IQGAP2: variants seen among roughly 807,000 people sequenced by gnomAD.
IQGAP2 encodes IQ motif containing GTPase activating protein 2.
Under a neutral mutation model 201.3 loss-of-function variants are expected in IQGAP2, and 173 were observed. The observed-to-expected ratio is 0.86, with a 90% CI of 0.76 to 0.98. IQGAP2 has a LOEUF of 0.98. Among genes scored for constraint, IQGAP2 ranks in the 50% least tolerant of loss-of-function variants. The probability of loss-of-function intolerance (pLI) is 0.00; values close to 1 mark genes in which losing one functional copy is unlikely to be tolerated. For missense variants in IQGAP2, 1,687 were observed against 1,864.8 expected (o/e 0.90, Z 1.76); for synonymous variants, 675 against 673.9 (o/e 1.00, Z -0.03).
chr5:76,413,892 A>G (rs1414013026), intron 1 of IQGAP2, among the ~76,000 whole-genome samples: 2 of 152,190 alleles, frequency 1.3e-5, no homozygotes, highest in Non-Finnish European at 2.9e-5. Context: ...CTTGTGGTCA[A>G]CCCAGTCCTG....
chr5:76,472,305 G>A (rs1425073469), intron 2 of IQGAP2, among the ~76,000 whole-genome samples: 1 of 152,242 alleles, frequency 6.6e-6, no homozygotes, highest in East Asian at 1.9e-4. Flanking sequence ...GATCTCCGTG[G>A]CACAGGAATA....
chr5:76,666,667 G>A (rs1036966792), intron 22 of IQGAP2, among the ~76,000 whole-genome samples: 2 of 152,166 alleles, frequency 1.3e-5, no homozygotes, highest in Admixed American at 6.5e-5. Flanking sequence ...CTTTTGAGGC[G>A]TTAGCCCAAT....
At chr5:76,550,439 AAGGTC>A (rs1333223705) in intron 2 of IQGAP2, among the ~76,000 whole-genome samples, 1 of 147,530 alleles carries the variant, frequency 6.8e-6, no homozygotes, top group African/African-American at 2.5e-5. Flanking sequence ...TAGTGGAGGG[AAGGTC>A]AGCAGATAAA....
chr5:76,515,348 C>T (rs186041597), intron 2 of IQGAP2, among the ~76,000 whole-genome samples: 102 of 152,230 alleles, frequency 6.7e-4, no homozygotes, highest in African/African-American at 2.4e-3. Flanking sequence ...TTTTATCAAG[C>T]GATTTTTCTC....
At chr5:76,455,510 G>A (rs1056792209) in intron 1 of IQGAP2, among the ~76,000 whole-genome samples, 1 of 151,252 alleles carries the variant, frequency 6.6e-6, no homozygotes, top group African/African-American at 2.4e-5. Context: ...TTAAGTAGAT[G>A]TTTGTAAGTA....
At chr5:76,679,164 A>G (rs1401538358) in intron 28 of IQGAP2, among the ~76,000 whole-genome samples, 1 of 152,242 alleles carries the variant, frequency 6.6e-6, no homozygotes, top group Non-Finnish European at 1.5e-5. Context: ...GCTGAATGCA[A>G]TATCCACATG....
chr5:76,570,664 C>T lies in IQGAP2; in HGVS notation c.381+7C>T. 1.3e-6 allele frequency: 2 copies of T among 1,597,414 alleles called. No homozygotes were observed. The highest frequency in any genetic ancestry group is 1.7e-6 in the Non-Finnish European group (2 of 1,165,002). Reference sequence around the variant, plus strand: ...GTCTATTGGTCTACCCAAGGTAAGCCTTCACGCACTGGAATCTGAACTAGA... The same window carrying T: ...GTCTATTGGTCTACCCAAGGTAAGCTTTCACGCACTGGAATCTGAACTAGA... On this transcript the variant is annotated splice_region_variant and intron_variant, in intron 4 of 35. Transcript: ENST00000274364.
At chr5:76,655,064 G>T in intron 20 of IQGAP2, 61 bp downstream of exon 20, 1 of 1,136,098 alleles carries the variant, frequency 8.8e-7, no homozygotes, top group Non-Finnish European at 1.3e-6. Context: ...AGGACATATT[G>T]GTCCATATTG....
chr5:76,528,953 A>T (rs181267704), intron 2 of IQGAP2, among the ~76,000 whole-genome samples: 1 of 152,336 alleles, frequency 6.6e-6, no homozygotes. Flanking sequence ...GATAATTTAG[A>T]CAAGGGCAAA....
At chr5:76,616,012 A>G (rs190680932) in intron 13 of IQGAP2, 58 of 152,768 alleles carry the variant, frequency 3.8e-4, no homozygotes, top group Admixed American at 3.5e-3. Flanking sequence ...GCCACATAGT[A>G]TTCAAAGCAT....
At chr5:76,499,821 C>A (rs568846272) in intron 2 of IQGAP2, among the ~76,000 whole-genome samples, 2 of 152,078 alleles carry the variant, frequency 1.3e-5, no homozygotes, top group Admixed American at 6.6e-5. Flanking sequence ...AAAAAAAAAT[C>A]CTGCTGGGGC....
At chr5:76,484,249 T>C (rs1300114026) in intron 2 of IQGAP2, among the ~76,000 whole-genome samples, 3 of 152,178 alleles carry the variant, frequency 2.0e-5, no homozygotes. Flanking sequence ...TTGTGAAGGC[T>C]TATGAGGAAA....
chr5:76,701,342 A>G (rs370212376), intron 34 of IQGAP2, 129 bp downstream of exon 34: 1 of 835,196 alleles, frequency 1.2e-6, no homozygotes. Flanking sequence ...AGAATACACA[A>G]ATTGTTATGG....
At chr5:76,600,180 C>A (rs1055888763) in intron 10 of IQGAP2, among the ~76,000 whole-genome samples, 5 of 152,026 alleles carry the variant, frequency 3.3e-5, no homozygotes, top group Non-Finnish European at 7.4e-5. Flanking sequence ...TAAAGCAAAC[C>A]AAACCAAACA....
Position 76,590,560 on chromosome 5 carries a change from A to G in IQGAP2, c.793A>G (p.Lys265Glu). 1 of 1,609,846 alleles carries G rather than the reference A, an allele frequency of 6.2e-7. No individual in the cohort carries two copies. Among genetic ancestry groups the G allele is most frequent in the South Asian group, 1.1e-5 (1 of 90,020 alleles). Reference sequence around the variant, plus strand: ...GAAAGAACTCTGGGATGCCAAAAAGAAAAAAGAGGAAAATGCAAGACTGAA... The same window carrying G: ...GAAAGAACTCTGGGATGCCAAAAAGGAAAAAGAGGAAAATGCAAGACTGAA... The part of the protein sequence containing the change: ...YQKELWDAKK[K>E]KEENARLKNS... The change falls in exon 8 of 36, where the codon AAA becomes GAA. Residue 265 changes from lysine (K) to glutamate (E), a missense_variant. Coordinates refer to ENST00000274364, the MANE Select transcript of IQGAP2 (RefSeq NM_006633.5).
At chr5:76,618,599 G>A (rs1749263284) in intron 13 of IQGAP2, 2 of 1,613,824 alleles carry the variant, frequency 1.2e-6, no homozygotes, top group Non-Finnish European at 1.7e-6. Flanking sequence ...AGGTCTTAAT[G>A]GGTAAGGTTG....
At chr5:76,416,170 A>G (rs7736095) in intron 1 of IQGAP2, among the ~76,000 whole-genome samples, 2,301 of 152,298 alleles carry the variant, frequency 0.015, 70 homozygotes, top group African/African-American at 0.051. Context: ...TGGAATTTAC[A>G]TAGGGTTTAT....
intron 1 of IQGAP2, among the ~76,000 whole-genome samples, chr5:76,429,160 G>T (rs11741153): frequency 0.74 from 112,604 of 151,758 alleles, 44,678 homozygotes; most frequent in Non-Finnish European, 0.89. Flanking sequence ...TTGAGAAGTA[G>T]GTCATGTATG....
intron 2 of IQGAP2, among the ~76,000 whole-genome samples, chr5:76,489,889 A>G (rs1756432866): frequency 6.6e-6 from 1 of 152,162 alleles, no homozygotes. Flanking sequence ...TCAGACACAT[A>G]CACTCCACGT....
Sources: gnomAD v4.1 joint callset for allele counts (sites outside exome capture counted in the v4.1 genomes callset) on GRCh38, gnomAD v4.1.1 for gene constraint, MANE v1.5 for transcripts, NCBI Gene and HGNC (gene_info 2026-07-23, HGNC 2026-07-21) for gene names.